ZSWIM8: variants seen among roughly 807,000 people sequenced by gnomAD.
ZSWIM8 encodes the protein zinc finger SWIM domain-containing protein 8.
Under a neutral mutation model 173.7 loss-of-function variants are expected in ZSWIM8, and 27 were observed. The observed-to-expected ratio is 0.16, with a 90% CI of 0.11 to 0.21. The LOEUF is 0.21. ZSWIM8 is among the 10% of genes least tolerant of loss of function. The pLI, the probability that ZSWIM8 is intolerant of heterozygous loss-of-function variation, is 1.00. For synonymous variants in ZSWIM8, 958 were observed against 962.0 expected, an observed-to-expected ratio of 1.00 and a Z score of 0.08; for missense variants, 1,627 against 2,428.8, an observed-to-expected ratio of 0.67 and a Z score of 6.94.
chr10:73,800,154 G>A lies in ZSWIM8; in HGVS notation c.4809G>A (p.Leu1603=), dbSNP rs978203880. The A allele has an allele frequency of 4.3e-6, 7 of 1,613,518 alleles. No individual in the cohort carries two copies. Among genetic ancestry groups the A allele is most frequent in the Non-Finnish European group, 4.2e-6 (5 of 1,179,840 alleles). Reference sequence around the variant, plus strand: ...ACCACACAGAGCCAGGGCTTCCACTGCCCACCAGTGTGGCCTGTGAGTTGT... The same window carrying A: ...ACCACACAGAGCCAGGGCTTCCACTACCCACCAGTGTGGCCTGTGAGTTGT... ...HPYHTEPGLP[L]PTSVALSSVH... Residue 1603 remains leucine, a synonymous_variant, in exon 22 of 26, where the codon CTG becomes CTA. Coordinates refer to ENST00000604729, the MANE Select transcript of ZSWIM8 (RefSeq NM_001367799.1). This position sits in a 1 kb window ranked among gnomAD's most constrained non-coding sequence, Gnocchi z 4.1.
At position 73,791,186 on chromosome 10, in the gene ZSWIM8, C is replaced by A; in HGVS notation, c.1143+10C>A. On this transcript the variant is annotated intron_variant, in intron 8 of 25. Transcript: ENST00000604729. The surrounding 1 kb of genome is among the most constrained non-coding windows in gnomAD (Gnocchi z 6.0). Reference sequence around the variant, plus strand: ...CCTCACCTATGAACAGGTAATCACTCAGCGTTGGGGAGCCCCGTGGTAGCT... The same window carrying A: ...CCTCACCTATGAACAGGTAATCACTAAGCGTTGGGGAGCCCCGTGGTAGCT... 6.3e-7 allele frequency: 1 copy of A among 1,591,994 alleles called. No homozygotes were observed. The highest frequency in any genetic ancestry group is 8.6e-7 in the Non-Finnish European group (1 of 1,164,682).
Position 73,792,613 on chromosome 10 carries a change from C to T in ZSWIM8, c.2074C>T (p.Leu692=), listed in dbSNP as rs2083458740. 2 of 1,613,910 alleles carry T rather than the reference C, an allele frequency of 1.2e-6. No homozygotes were observed. Among genetic ancestry groups the T allele is most frequent in the Non-Finnish European group, 8.5e-7 (1 of 1,179,890 alleles). Residue 692 remains leucine, a synonymous_variant, in exon 10 of 26, where the codon CTG becomes TTG. Coordinates refer to ENST00000604729, the MANE Select transcript of ZSWIM8 (RefSeq NM_001367799.1). The surrounding 1 kb of genome is among the most constrained non-coding windows in gnomAD (Gnocchi z 4.3). Reference sequence around the variant, plus strand: ...AGCCTCTGTTGGCCCCCCTGGCCTACTGCCTGGGGATGTCTGTACCCAGGA... The same window carrying T: ...AGCCTCTGTTGGCCCCCCTGGCCTATTGCCTGGGGATGTCTGTACCCAGGA... ...PTASVGPPGL[L]PGDVCTQDDL...
rs1298427073 is a variant in ZSWIM8, at chr10:73,799,873, AC to A, written c.4666-137del. On this transcript the variant is annotated intron_variant, in intron 21 of 25. Coordinates refer to ENST00000604729, the MANE Select transcript of ZSWIM8 (RefSeq NM_001367799.1). ...GGTTGCAGTGAGCCGATATCGTGCC[AC>A]TGCACTCCAGCCTGGAGGACAGAGC... The A allele has an allele frequency of 3.6e-6, 3 of 838,244 alleles. No homozygotes were observed. The African/African-American group carries it at 5.1e-5, about 14-fold the overall frequency. The allele number at this position is 838,244 out of a possible 1,614,324, so 51.9% of individuals were successfully genotyped here.
chr10:73,800,912 G>C lies in ZSWIM8; in HGVS notation c.5123-105G>C, dbSNP rs148636613. The C allele has an allele frequency of 0.013, 17,417 of 1,299,222 alleles. 216 individuals are homozygous for C. The highest frequency in any genetic ancestry group is 0.038 in the South Asian group (2,663 of 69,532). The allele number at this position is 1,299,222 out of a possible 1,614,324, so 80.5% of individuals were successfully genotyped here. On this transcript the variant is annotated intron_variant, in intron 24 of 25. Coordinates refer to ENST00000604729, the MANE Select transcript of ZSWIM8 (RefSeq NM_001367799.1). This position sits in a 1 kb window ranked among gnomAD's most constrained non-coding sequence, Gnocchi z 4.1. ...GGGGCGGAGGGTTACCTCAGCTCCTGGGGTGGAGGGAGGCTCTCTGCCAGG... is the reference window on the plus strand; with the variant it reads ...GGGGCGGAGGGTTACCTCAGCTCCTCGGGTGGAGGGAGGCTCTCTGCCAGG...
chr10:73,798,033 C>G lies in ZSWIM8; in HGVS notation c.3915C>G (p.Leu1305=). The G allele has an allele frequency of 6.2e-7, 1 of 1,614,024 alleles. No individual in the cohort carries two copies. Among genetic ancestry groups the G allele is most frequent in the Non-Finnish European group, 8.5e-7 (1 of 1,179,876 alleles). The stretch of plus-strand genomic sequence containing the variant: ...ACAACTTTGTTTCTCCCAACTGGCT[C>G]TCACGTACTTATTCTTCCCACGTTT... ...GLHNFVSPNW[L]SRTYSSHVSW... is the part of the protein sequence containing the mutation. Residue 1305 remains leucine, a synonymous_variant, in exon 19 of 26, where the codon CTC becomes CTG. Coordinates refer to ENST00000604729, the MANE Select transcript of ZSWIM8 (RefSeq NM_001367799.1).
Position 73,799,152 on chromosome 10 carries a change from G to A in ZSWIM8, c.4327G>A (p.Ala1443Thr). 4 of 1,612,652 alleles carry A rather than the reference G, an allele frequency of 2.5e-6. No individual in the cohort carries two copies. Among genetic ancestry groups the A allele is most frequent in the Non-Finnish European group, 3.4e-6 (4 of 1,179,314 alleles). Residue 1443 changes from alanine to threonine, a missense_variant, in exon 21 of 26, where the codon GCT becomes ACT. Transcript: ENST00000604729. ...TGGCTCATCCACAGCCCGTGAAGGG[G>A]CTACAAGCTGTAGTGCCAGTGGGAT... Reference protein sequence around the residue: ...AGGSSTAREGATSCSASGIRA... With the variant: ...AGGSSTAREGTTSCSASGIRA...
At position 73,800,263 on chromosome 10, in the gene ZSWIM8, C is replaced by T; in HGVS notation, c.4826-33C>T. ...AATGTTCTTTGTCTCTCTTTGGGCT[C>T]TGAGTTCCTCACATGGCTCTCACCC... On this transcript the variant is annotated intron_variant, in intron 22 of 25. Coordinates refer to ENST00000604729, the MANE Select transcript of ZSWIM8 (RefSeq NM_001367799.1). This position sits in a 1 kb window ranked among gnomAD's most constrained non-coding sequence, Gnocchi z 4.1. 6.2e-7 allele frequency: 1 copy of T among 1,612,418 alleles called. No individual in the cohort carries two copies. Among genetic ancestry groups the T allele is most frequent in the African/African-American group, 1.3e-5 (1 of 75,004 alleles).
Position 73,793,729 on chromosome 10 carries a change from C to G in ZSWIM8, c.2445+10C>G, listed in dbSNP as rs1390993913. On this transcript the variant is annotated intron_variant, in intron 11 of 25. Coordinates refer to ENST00000604729, the MANE Select transcript of ZSWIM8 (RefSeq NM_001367799.1). ...GCCGCCCCCTGCCAAGGTGAGAGAC[C>G]CCCTTCCTCTACCTTCCCCTCCCCC... The G allele has an allele frequency of 6.3e-6, 10 of 1,597,856 alleles. No individual in the cohort carries two copies. The highest frequency in any genetic ancestry group is 8.5e-6 in the Non-Finnish European group (10 of 1,171,876).
chr10:73,799,312 T>C lies in ZSWIM8; in HGVS notation c.4487T>C (p.Leu1496Ser). ...VVPVISVGSSLYPGPGLGHGH... is the reference protein window; with the variant it reads ...VVPVISVGSSSYPGPGLGHGH... ...CCCGTCATATCGGTGGGGTCTAGTT[T>C]ATACCCGGGTCCAGGACTGGGGCAT... is the stretch of plus-strand genomic sequence containing the variant. Residue 1496 changes from leucine to serine, a missense_variant, in exon 21 of 26, where the codon TTA (leucine) becomes TCA (serine). This residue lies in a region of ZSWIM8 where 275 missense variants were observed against 290.1 expected (regional missense o/e 0.95). Transcript: ENST00000604729. 1 of 1,607,382 alleles carries C rather than the reference T, an allele frequency of 6.2e-7. No individual in the cohort carries two copies. Among genetic ancestry groups the C allele is most frequent in the Non-Finnish European group, 8.5e-7 (1 of 1,177,104 alleles).
At position 73,797,557 on chromosome 10, in the gene ZSWIM8, G is replaced by A. The variant is rs780354329; in HGVS notation, c.3614G>A (p.Arg1205Gln). ...TCCTCATCCTCCAGTGGAAGTCGCC[G>A]GGCCAGTGCCAGTGGAGGAGCCCGG... ...LGSSSSSGSR[R>Q]ASASGGARAK... Residue 1205 changes from arginine (R) to glutamine (Q), a missense_variant, in exon 18 of 26, where the codon CGG (arginine) becomes CAG (glutamine). This residue lies in a region of ZSWIM8 where 72 missense variants were observed against 98.4 expected (regional missense o/e 0.73). Transcript: ENST00000604729. The surrounding 1 kb of genome is among the most constrained non-coding windows in gnomAD (Gnocchi z 5.6). 6.2e-6 allele frequency: 10 copies of A among 1,613,780 alleles called. No homozygotes were observed. The East Asian group carries it at 1.1e-4, about 18-fold the overall frequency.
chr10:73,796,591 T>C (rs1326531215), intron 15 of ZSWIM8, 183 bp from the exon 16 acceptor site: 1 of 720,540 alleles, frequency 1.4e-6, no homozygotes, highest in East Asian at 2.7e-5. Flanking sequence ...CCAAGATATG[T>C]TGGGGTTAAA....
In ZSWIM8 at chr10:73,800,809, C is replaced by T. The variant is rs1166440641; in HGVS notation, c.5122+50C>T. ...ATTGCCCCCCCCCCACCTGCTCTCCCCACCTTCCTTATCCCAGACCTCCTT... is the reference window on the plus strand; with the variant it reads ...ATTGCCCCCCCCCCACCTGCTCTCCTCACCTTCCTTATCCCAGACCTCCTT... On this transcript the variant is annotated intron_variant, in intron 24 of 25. Transcript: ENST00000604729. The surrounding 1 kb of genome is among the most constrained non-coding windows in gnomAD (Gnocchi z 4.1). 2 of 1,400,052 alleles carry T rather than the reference C, an allele frequency of 1.4e-6. No individual in the cohort carries two copies. The highest frequency in any genetic ancestry group is 9.8e-7 in the Non-Finnish European group (1 of 1,016,682). 86.7% of individuals were successfully genotyped at this position (1,400,052 alleles called of 1,614,324 possible).
At position 73,785,725 on chromosome 10, in the gene ZSWIM8, C is replaced by G. The variant is rs949965422; in HGVS notation, c.-154C>G. On this transcript the variant is annotated 5_prime_UTR_variant, in exon 1 of 26. Transcript: ENST00000604729. Reference sequence around the variant, plus strand: ...GGCCCGGTCCCGTCTCTTTCCCAGGCCTGAGATTCTCGCCCGGCACGGCCG... The same window carrying G: ...GGCCCGGTCCCGTCTCTTTCCCAGGGCTGAGATTCTCGCCCGGCACGGCCG... 3.9e-6 allele frequency: 3 copies of G among 775,654 alleles called. No homozygotes were observed. Among genetic ancestry groups the G allele is most frequent in the Non-Finnish European group, 4.3e-6 (2 of 465,052 alleles). The allele number at this position is 775,654 out of a possible 1,614,324, so 48.0% of individuals were successfully genotyped here.
intron 11 of ZSWIM8, 26 bp from the exon 12 acceptor site, chr10:73,793,839 G>C (rs771998073): frequency 6.3e-7 from 1 of 1,589,340 alleles, no homozygotes; most frequent in South Asian, 1.1e-5. Context: ...TCATCTGCCT[G>C]TCTCCTGTGT....
Position 73,801,694 on chromosome 10 carries a change from G to A in ZSWIM8, c.*175G>A. ...GGCCAAGATGTCTCACACCCTAGAA[G>A]CCTAGGGCTGGGGGAGACAGCCCTG... is the stretch of plus-strand genomic sequence containing the variant. On this transcript the variant is annotated 3_prime_UTR_variant, in exon 26 of 26. Transcript: ENST00000604729. The surrounding 1 kb of genome is among the most constrained non-coding windows in gnomAD (Gnocchi z 4.9). 6.5e-7 allele frequency: 1 copy of A among 1,533,652 alleles called. No homozygotes were observed. The highest frequency in any genetic ancestry group is 8.7e-7 in the Non-Finnish European group (1 of 1,145,982).
At position 73,792,795 on chromosome 10, in the gene ZSWIM8, G is replaced by A. The variant is rs1177714453; in HGVS notation, c.2256G>A (p.Gly752=). ...AAGAGAAGGCCGAGGGCGGGGCTGG[G>A]GAGGAGCACGACCTGTTTGCTGGGC... ...GEEEKAEGGA[G]EEHDLFAGLK... Residue 752 remains glycine, a synonymous_variant, in exon 10 of 26, where the codon GGG becomes GGA. Transcript: ENST00000604729. The surrounding 1 kb of genome is among the most constrained non-coding windows in gnomAD (Gnocchi z 4.3). 1.9e-6 allele frequency: 3 copies of A among 1,604,210 alleles called. No homozygotes were observed. Among genetic ancestry groups the A allele is most frequent in the Non-Finnish European group, 2.5e-6 (3 of 1,178,388 alleles).
chr10:73,790,231 C>T lies in ZSWIM8; in HGVS notation c.880C>T (p.Leu294Phe). Residue 294 changes from leucine (L) to phenylalanine (F), a missense_variant, in exon 7 of 26, where the codon CTC (leucine) becomes TTC (phenylalanine). Coordinates refer to ENST00000604729, the MANE Select transcript of ZSWIM8 (RefSeq NM_001367799.1). ...TACTTGGTATCTGGATGAATCGACACTCACTGACAACATCAAAAAGACACT... is the reference window on the plus strand; with the variant it reads ...TACTTGGTATCTGGATGAATCGACATTCACTGACAACATCAAAAAGACACT... ...QSTWYLDEST[L>F]TDNIKKTLHK... The T allele has an allele frequency of 6.2e-7, 1 of 1,613,796 alleles. No individual in the cohort carries two copies. The highest frequency in any genetic ancestry group is 8.5e-7 in the Non-Finnish European group (1 of 1,179,776).
rs141493712 is a variant in ZSWIM8, at chr10:73,798,564, T to C, written c.4176+111T>C. 1.6e-3 allele frequency: 1,595 copies of C among 994,200 alleles called. 19 individuals carry two copies. The African/African-American group carries it at 0.024, about 15-fold the overall frequency. The allele number at this position is 994,200 out of a possible 1,614,324, so 61.6% of individuals were successfully genotyped here. ...ATTCCCGTATCCTGGAGTTTACAGA[T>C]GATTGTTGGTCCTCTCATGGCAACA... is the stretch of plus-strand genomic sequence containing the variant. On this transcript the variant is annotated intron_variant, in intron 20 of 25. Coordinates refer to ENST00000604729, the MANE Select transcript of ZSWIM8 (RefSeq NM_001367799.1).
chr10:73,787,665 A>G (rs1417322459), intron 1 of ZSWIM8, among the ~76,000 whole-genome samples: 1 of 152,070 alleles, frequency 6.6e-6, no homozygotes, highest in Admixed American at 6.5e-5. Context: ...CAGCTTGGCC[A>G]ACATGGTGAA....
Sources: gnomAD v4.1 joint callset for allele counts (sites outside exome capture counted in the v4.1 genomes callset) on GRCh38, gnomAD v4.1.1 for gene constraint, gnomAD v4.1.1 regional missense constraint, Gnocchi (gnomAD v3.1) non-coding constraint, MANE v1.5 for transcripts, NCBI Gene and HGNC (gene_info 2026-07-23, HGNC 2026-07-21) for gene names.